Variants in GLUD1 observed in about 807,000 individuals in gnomAD.
GLUD1 encodes the protein glutamate dehydrogenase 1.
Under a neutral mutation model 56.0 loss-of-function variants are expected in GLUD1, and 22 were observed. The observed-to-expected ratio is 0.39, with a 90% confidence interval of 0.28 to 0.56. GLUD1 has a LOEUF of 0.56. Among genes scored for constraint, GLUD1 ranks in the 20% least tolerant of loss-of-function variants. The pLI, the probability that GLUD1 is intolerant of heterozygous loss-of-function variation, is 0.58. For synonymous variants in GLUD1, 223 were observed against 269.9 expected, an observed-to-expected ratio of 0.83 and a Z score of 1.70; for missense variants, 451 against 732.0, an observed-to-expected ratio of 0.62 and a Z score of 4.43.
At chr10:87,055,013 A>G (rs1335455333) in intron 11 of GLUD1, among the ~76,000 whole-genome samples, 1 of 152,236 alleles carries the variant, frequency 6.6e-6, no homozygotes, top group Admixed American at 6.5e-5. Context: ...AATGCAGGGC[A>G]GTGAGAAGAG....
chr10:87,079,634 T>C (rs1680146387), intron 1 of GLUD1, among the ~76,000 whole-genome samples: 1 of 152,118 alleles, frequency 6.6e-6, no homozygotes, highest in Admixed American at 6.5e-5. Flanking sequence ...GCCACTCTCC[T>C]AGGATGGGTG....
Position 87,050,863 on chromosome 10 carries a change from T to C in GLUD1, c.*888A>G, listed in dbSNP as rs1845613959. ...GGGACACTCTACTTGAATTATTGTT[T>C]AATTAGTCAACCATAGATCTTCAAA... On this transcript the variant is annotated 3_prime_UTR_variant, in exon 13 of 13. Coordinates refer to ENST00000277865, the MANE Select transcript of GLUD1 (RefSeq NM_005271.5). 1 of 152,232 alleles carries C rather than the reference T, an allele frequency of 6.6e-6. No individual in the cohort carries two copies. Among genetic ancestry groups the C allele is most frequent in the Non-Finnish European group, 1.5e-5 (1 of 68,030 alleles). The allele number at this position is 152,232 out of a possible 1,614,324, so 9.4% of individuals were successfully genotyped here.
At chr10:87,055,844 G>A (rs534348515) in intron 11 of GLUD1, among the ~76,000 whole-genome samples, 2 of 152,156 alleles carry the variant, frequency 1.3e-5, no homozygotes, top group African/African-American at 4.8e-5. Flanking sequence ...GGCCGGGCGC[G>A]GTGGCTCACG....
chr10:87,080,784 G>A (rs1841212478), intron 1 of GLUD1, among the ~76,000 whole-genome samples: 2 of 151,534 alleles, frequency 1.3e-5, no homozygotes, highest in Non-Finnish European at 2.9e-5. Flanking sequence ...CCGCCTGGCA[G>A]CCACCCCATC....
chr10:87,052,668 TC>T (rs1257137991), intron 12 of GLUD1, among the ~76,000 whole-genome samples: 2 of 16,566 alleles, frequency 1.2e-4, no homozygotes, highest in African/African-American at 2.6e-4. Flanking sequence ...AAACTCCGTC[TC>T]AAAAAAAAAA....
intron 1 of GLUD1, among the ~76,000 whole-genome samples, chr10:87,089,021 A>G (rs1249023588): frequency 6.6e-6 from 1 of 152,210 alleles, no homozygotes; most frequent in Non-Finnish European, 1.5e-5. Flanking sequence ...TCATTTCCTT[A>G]GCAATTAGAA....
At chr10:87,082,338 G>C (rs753700035) in intron 1 of GLUD1, among the ~76,000 whole-genome samples, 1 of 152,174 alleles carries the variant, frequency 6.6e-6, no homozygotes, top group Non-Finnish European at 1.5e-5. Flanking sequence ...TATAACAAAA[G>C]ACATGTTCCG....
At chr10:87,069,747 G>A (rs898210195) in intron 4 of GLUD1, among the ~76,000 whole-genome samples, 3 of 152,104 alleles carry the variant, frequency 2.0e-5, no homozygotes, top group African/African-American at 7.2e-5. Context: ...CTTTGAAATG[G>A]TCAAGGATCG....
intron 1 of GLUD1, among the ~76,000 whole-genome samples, chr10:87,093,540 T>C (rs1304713903): frequency 2.0e-5 from 3 of 152,186 alleles, no homozygotes; most frequent in South Asian, 2.1e-4. Context: ...CGTACTATAT[T>C]TTTCCTGAAG....
At chr10:87,079,971 T>C (rs1356617775) in intron 1 of GLUD1, among the ~76,000 whole-genome samples, 2 of 126,980 alleles carry the variant, frequency 1.6e-5, no homozygotes, top group Admixed American at 8.4e-5. Context: ...CTCCCCACGG[T>C]CTCCCTCTGA....
intron 1 of GLUD1, among the ~76,000 whole-genome samples, chr10:87,082,769 T>C (rs1370280937): frequency 6.6e-6 from 1 of 152,154 alleles, no homozygotes; most frequent in African/African-American, 2.4e-5. Context: ...GTGCACCCAT[T>C]AATAAAATAC....
At chr10:87,072,561 G>C (rs1320116495) in intron 4 of GLUD1, among the ~76,000 whole-genome samples, 1 of 152,202 alleles carries the variant, frequency 6.6e-6, no homozygotes, top group African/African-American at 2.4e-5. Flanking sequence ...TCTGGGCCAA[G>C]ACGTCAATTT....
At chr10:87,071,643 G>A (rs1846242121) in intron 4 of GLUD1, among the ~76,000 whole-genome samples, 1 of 152,210 alleles carries the variant, frequency 6.6e-6, no homozygotes, top group Non-Finnish European at 1.5e-5. Flanking sequence ...GGAGACATCA[G>A]GGTCCTGCAG....
intron 2 of GLUD1, 69 bp from the exon 3 acceptor site, chr10:87,076,092 C>T (rs1846384496): frequency 3.8e-6 from 4 of 1,059,064 alleles, no homozygotes; most frequent in East Asian, 2.4e-5. Context: ...GAAAGCACCA[C>T]ACAATATTAG....
Position 87,050,580 on chromosome 10 carries a change from TAAAAAAAA to T in GLUD1, c.*1163_*1170del, listed in dbSNP as rs80258277. 7.3e-6 allele frequency: 1 copy of T among 136,328 alleles called. No individual in the cohort carries two copies. The highest frequency in any genetic ancestry group is 2.7e-5 in the African/African-American group (1 of 37,090). 8.4% of individuals were successfully genotyped at this position (136,328 alleles called of 1,614,324 possible). ...AGAAATTTCTGAAGGGTGTTAGAGT[TAAAAAAAA>T]AAAAAAAGCTGACTCTTACACATAT... On this transcript the variant is annotated 3_prime_UTR_variant, in exon 13 of 13. Transcript: ENST00000277865.
intron 1 of GLUD1, among the ~76,000 whole-genome samples, chr10:87,078,483 C>T (rs1321433319): frequency 6.6e-6 from 1 of 152,208 alleles, no homozygotes; most frequent in Non-Finnish European, 1.5e-5. Context: ...GGCTTCCCTA[C>T]CTGGCAAGTT....
intron 11 of GLUD1, 50 bp from the exon 12 acceptor site, chr10:87,053,454 G>T: frequency 1.7e-6 from 2 of 1,159,588 alleles, no homozygotes; most frequent in Non-Finnish European, 2.6e-6. Flanking sequence ...GACCTGCTTT[G>T]TGTCCCTGTA....
intron 3 of GLUD1, among the ~76,000 whole-genome samples, chr10:87,075,473 A>G (rs1431716375): frequency 6.6e-6 from 1 of 152,246 alleles, no homozygotes; most frequent in Non-Finnish European, 1.5e-5. Flanking sequence ...GATATTAAGT[A>G]GGTGATCTTT....
chr10:87,061,241 A>G (rs947816628), intron 6 of GLUD1, 189 bp from the exon 7 acceptor site: 10 of 713,696 alleles, frequency 1.4e-5, no homozygotes, highest in African/African-American at 5.2e-5. Context: ...GAATGTGATG[A>G]GCGGGCATGG....
Sources: allele counts gnomAD v4.1 joint callset (sites outside exome capture counted in the v4.1 genomes callset), GRCh38; gene constraint gnomAD v4.1.1; transcripts MANE v1.5; gene names NCBI Gene and HGNC (gene_info 2026-07-23, HGNC 2026-07-21).